Variants in ADAMTS19 observed in about 807,000 individuals in gnomAD.
ADAMTS19 encodes ADAM metallopeptidase with thrombospondin type 1 motif 19, also known as A disintegrin and metalloproteinase with thrombospondin motifs 19.
A neutral mutation model predicts 153.3 loss-of-function variants in ADAMTS19; 93 were observed. The ratio of observed to expected loss-of-function variants is 0.61; its 90% confidence interval spans 0.51 to 0.72. ADAMTS19 has a LOEUF of 0.72. Among genes scored for constraint, ADAMTS19 ranks in the 30% least tolerant of loss-of-function variants. The pLI is 0.00. For synonymous variants in ADAMTS19, 600 were observed against 556.6 expected, an observed-to-expected ratio of 1.08 and a Z score of -1.10; for missense variants, 1,482 against 1,552.1, an observed-to-expected ratio of 0.95 and a Z score of 0.76.
At chr5:129,623,004 A>C (rs759049377) in intron 10 of ADAMTS19, among the ~76,000 whole-genome samples, 1 of 152,170 alleles carries the variant, frequency 6.6e-6, no homozygotes, top group Non-Finnish European at 1.5e-5. Context: ...AATGGGTAAA[A>C]ATGCGATATG....
intron 2 of ADAMTS19, among the ~76,000 whole-genome samples, chr5:129,479,705 A>G (rs141613701): frequency 7.9e-4 from 120 of 152,296 alleles, no homozygotes; most frequent in African/African-American, 2.7e-3. Context: ...TTACAATACT[A>G]TAAAAACATG....
intron 10 of ADAMTS19, among the ~76,000 whole-genome samples, chr5:129,635,699 G>T (rs990886767): frequency 1.3e-5 from 2 of 152,066 alleles, no homozygotes; most frequent in Non-Finnish European, 2.9e-5. Context: ...AGAGCTAAAT[G>T]GACACAGAGG....
intron 3 of ADAMTS19, among the ~76,000 whole-genome samples, chr5:129,511,443 A>G (rs73242276): frequency 0.14 from 21,808 of 151,710 alleles, 2,387 homozygotes; most frequent in African/African-American, 0.32. Flanking sequence ...TGAGCAATTC[A>G]TGTAACTTTT....
chr5:129,662,633 A>G (rs755660739), intron 15 of ADAMTS19, among the ~76,000 whole-genome samples: 36 of 152,124 alleles, frequency 2.4e-4, no homozygotes, highest in African/African-American at 2.2e-4. Context: ...TGTTATATCT[A>G]TTCTTCTTTT....
intron 8 of ADAMTS19, among the ~76,000 whole-genome samples, chr5:129,605,092 C>T (rs1451798238): frequency 1.3e-5 from 2 of 152,202 alleles, no homozygotes; most frequent in Non-Finnish European, 2.9e-5. Flanking sequence ...GCTACCAACA[C>T]TTCTCATCTG....
chr5:129,523,359 C>A (rs138525508), intron 3 of ADAMTS19, among the ~76,000 whole-genome samples: 1 of 152,226 alleles, frequency 6.6e-6, no homozygotes, highest in East Asian at 1.9e-4. Flanking sequence ...GAAGAGACTT[C>A]ACTGAATTTG....
chr5:129,539,385 G>A (rs1353277371), intron 6 of ADAMTS19, among the ~76,000 whole-genome samples: 1 of 152,080 alleles, frequency 6.6e-6, no homozygotes, highest in African/African-American at 2.4e-5. Context: ...GCAATGTCTA[G>A]AAGCTGGAAA....
chr5:129,592,867 A>G (rs1326010781), intron 7 of ADAMTS19, among the ~76,000 whole-genome samples: 1 of 152,196 alleles, frequency 6.6e-6, no homozygotes, highest in Admixed American at 6.5e-5. Context: ...TCATATGAAT[A>G]TATGATGGTA....
chr5:129,480,522 A>G (rs900985283), intron 2 of ADAMTS19, among the ~76,000 whole-genome samples: 5 of 152,192 alleles, frequency 3.3e-5, no homozygotes, highest in African/African-American at 1.2e-4. Context: ...TGTTACCAGA[A>G]TATGTAAAGA....
intron 8 of ADAMTS19, among the ~76,000 whole-genome samples, chr5:129,615,476 G>C (rs556789629): frequency 1.3e-5 from 2 of 151,998 alleles, no homozygotes; most frequent in African/African-American, 4.8e-5. Flanking sequence ...TTAATTCGTT[G>C]GGGGCAGGCC....
chr5:129,718,644 G>T (rs192713144), intron 21 of ADAMTS19, among the ~76,000 whole-genome samples: 13 of 152,254 alleles, frequency 8.5e-5, no homozygotes, highest in Middle Eastern at 3.4e-3. Context: ...ATTTCCAGTA[G>T]AAGTCATCAT....
intron 2 of ADAMTS19, among the ~76,000 whole-genome samples, chr5:129,504,576 G>A (rs1581015817): frequency 6.6e-6 from 1 of 152,098 alleles, no homozygotes; most frequent in African/African-American, 2.4e-5. Flanking sequence ...TTTAATTACA[G>A]TCACCATGTC....
chr5:129,674,197 C>A (rs949720605), intron 16 of ADAMTS19, among the ~76,000 whole-genome samples: 14 of 151,412 alleles, frequency 9.2e-5, no homozygotes, highest in Non-Finnish European at 1.6e-4. Context: ...CACTATTGCA[C>A]TCCAGCCTAG....
chr5:129,462,940 C>A (rs1749733666), intron 2 of ADAMTS19, among the ~76,000 whole-genome samples: 1 of 151,942 alleles, frequency 6.6e-6, no homozygotes, highest in Non-Finnish European at 1.5e-5. Flanking sequence ...TCAAAGCCAC[C>A]CAAAACTACC....
chr5:129,674,245 T>C (rs1754448890), intron 16 of ADAMTS19, among the ~76,000 whole-genome samples: 1 of 144,914 alleles, frequency 6.9e-6, no homozygotes, highest in Non-Finnish European at 1.5e-5. Context: ...AAAAAAAAAA[T>C]CATTAAATCC....
In ADAMTS19 at chr5:129,530,663, G is replaced by C. The variant is rs114304290; in HGVS notation, c.1328+1986G>C. ...GAGGTACTATCTTAATCTCTGAAAG[G>C]GTATCTATCGAAACATATATCTACA... On this transcript the variant is annotated intron_variant, in intron 6 of 22. Transcript: ENST00000274487. Among the ~76,000 whole-genome samples, 555 of 151,650 alleles carry C rather than the reference G, an allele frequency of 3.7e-3. 1 individual carries two copies. Among genetic ancestry groups the C allele is most frequent in the African/African-American group, 0.012 (516 of 41,372 alleles).
intron 3 of ADAMTS19, among the ~76,000 whole-genome samples, chr5:129,524,346 A>G (rs1359480684): frequency 6.6e-6 from 1 of 152,214 alleles, no homozygotes. Context: ...CCCAAACCAT[A>G]AAAACCCTAG....
At chr5:129,510,123 T>C (rs1751391671) in intron 3 of ADAMTS19, among the ~76,000 whole-genome samples, 1 of 151,890 alleles carries the variant, frequency 6.6e-6, no homozygotes, top group Admixed American at 6.6e-5. Context: ...GTGTAAGGAC[T>C]TTAAAATTTG....
intron 6 of ADAMTS19, among the ~76,000 whole-genome samples, chr5:129,530,763 T>C (rs1201475363): frequency 7.2e-5 from 11 of 151,836 alleles, no homozygotes; most frequent in Admixed American, 6.6e-4. Context: ...ATGTCCCCTC[T>C]TACCACTTCT....
Sources: allele counts gnomAD v4.1 joint callset (sites outside exome capture counted in the v4.1 genomes callset), GRCh38; gene constraint gnomAD v4.1.1; transcripts MANE v1.5; gene names NCBI Gene and HGNC (gene_info 2026-07-23, HGNC 2026-07-21).